CAMTA1: variants seen among roughly 807,000 people sequenced by gnomAD.
The protein encoded by CAMTA1 is calmodulin binding transcription activator 1.
CAMTA1 carries 27 observed loss-of-function variants against 170.9 expected under a neutral mutation model. That is an observed-to-expected ratio of 0.16 (90% CI 0.12 to 0.22). CAMTA1 has a LOEUF of 0.22. Ranked by LOEUF, CAMTA1 falls within the 10% of genes least tolerant of loss-of-function variation. CAMTA1 has a pLI of 1.00. For synonymous variants in CAMTA1, 833 were observed against 891.5 expected, an observed-to-expected ratio of 0.93 and a Z score of 1.17; for missense variants, 1,619 against 2,217.2, an observed-to-expected ratio of 0.73 and a Z score of 5.42.
intron 3 of CAMTA1, among the ~76,000 whole-genome samples, chr1:6,858,855 A>T (rs1365098379): frequency 6.6e-6 from 1 of 152,208 alleles, no homozygotes; most frequent in Non-Finnish European, 1.5e-5. Flanking sequence ...GTCTAAAAAA[A>T]TAATATGGAT....
intron 6 of CAMTA1, among the ~76,000 whole-genome samples, chr1:7,624,201 T>C (rs990191323): frequency 2.0e-5 from 3 of 152,202 alleles, no homozygotes; most frequent in African/African-American, 7.2e-5. Context: ...GGGGTTGCCT[T>C]GCGCCTGTGC....
chr1:7,170,222 G>T (rs1316922398), intron 4 of CAMTA1, among the ~76,000 whole-genome samples: 1 of 150,194 alleles, frequency 6.7e-6, no homozygotes, highest in Non-Finnish European at 1.5e-5. Flanking sequence ...GTAGTAGTTT[G>T]ATTATCCTTC....
At chr1:6,791,966 T>G (rs1641222083) in intron 1 of CAMTA1, among the ~76,000 whole-genome samples, 1 of 151,868 alleles carries the variant, frequency 6.6e-6, no homozygotes. Flanking sequence ...GGAAAGTGTT[T>G]CTTTTCTTTT....
At chr1:7,490,497 CA>C (rs1460555621) in intron 6 of CAMTA1, among the ~76,000 whole-genome samples, 2 of 152,176 alleles carry the variant, frequency 1.3e-5, no homozygotes, top group South Asian at 2.1e-4. Flanking sequence ...ACTAAAAATA[CA>C]AAAATTAGCC....
At chr1:7,079,256 A>G (rs1445658632) in intron 3 of CAMTA1, among the ~76,000 whole-genome samples, 2 of 152,234 alleles carry the variant, frequency 1.3e-5, no homozygotes, top group African/African-American at 2.4e-5. Context: ...TGAGAGGGTC[A>G]GGCTGATCCA....
chr1:7,606,447 G>A (rs2095487465), intron 6 of CAMTA1, among the ~76,000 whole-genome samples: 1 of 152,198 alleles, frequency 6.6e-6, no homozygotes, highest in Admixed American at 6.5e-5. Flanking sequence ...ATGAAAAGTG[G>A]CCTATATCTA....
At chr1:7,475,214 T>G (rs1465335626) in intron 6 of CAMTA1, among the ~76,000 whole-genome samples, 3 of 152,210 alleles carry the variant, frequency 2.0e-5, no homozygotes, top group African/African-American at 7.2e-5. Flanking sequence ...CATTTTTATG[T>G]TTCATCAGGG....
rs1019206643 is a variant in CAMTA1, at chr1:7,044,808, A to C, written c.235-46496A>C. Among the ~76,000 whole-genome samples the C allele has an allele frequency of 1.1e-3, 105 of 97,154 alleles. No individual in the cohort carries two copies. Among genetic ancestry groups the C allele is most frequent in the Admixed American group, 1.2e-3 (11 of 9,204 alleles). 63.7% of individuals were successfully genotyped at this position (97,154 alleles called of 152,430 possible). On this transcript the variant is annotated intron_variant, in intron 3 of 22. Transcript: ENST00000303635. This position sits in a 1 kb window ranked among gnomAD's most constrained non-coding sequence, Gnocchi z 5.0. ...CTTTCCCCCTCACGTCCTCTCCCCC[A>C]CTCCCTCCTCTTCCCGCCTGTGGTT...
chr1:7,241,784 C>T (rs1341080102), intron 4 of CAMTA1, among the ~76,000 whole-genome samples: 3 of 152,120 alleles, frequency 2.0e-5, no homozygotes, highest in Non-Finnish European at 4.4e-5. Context: ...TTATCTCACA[C>T]CATATGCAAA....
intron 3 of CAMTA1, among the ~76,000 whole-genome samples, chr1:7,079,338 C>T (rs890663628): frequency 6.6e-6 from 1 of 152,206 alleles, no homozygotes; most frequent in African/African-American, 2.4e-5. Flanking sequence ...TAATTGCTGA[C>T]AGTTTTCCAA....
intron 6 of CAMTA1, among the ~76,000 whole-genome samples, chr1:7,546,793 G>A (rs141677901): frequency 3.9e-5 from 6 of 151,936 alleles, no homozygotes; most frequent in Non-Finnish European, 5.9e-5. Context: ...TTGGCTGGAC[G>A]AACGTCTTAT....
chr1:7,372,857 C>A (rs986619157), intron 5 of CAMTA1, among the ~76,000 whole-genome samples: 17 of 152,202 alleles, frequency 1.1e-4, no homozygotes, highest in Admixed American at 9.8e-4. Context: ...GCCCGCATAG[C>A]CACCATCCTA....
Position 7,722,421 on chromosome 1 carries a change from CA to C in CAMTA1, c.2915-10023del, listed in dbSNP as rs1352434166. ...AGAGGCTAGGATGGGGTCGACCCAGCAAAAGAAAAGGGAATCTGAAGCCCCA... is the reference window on the plus strand; with the variant it reads ...AGAGGCTAGGATGGGGTCGACCCAGCAAAGAAAAGGGAATCTGAAGCCCCA... On this transcript the variant is annotated intron_variant, in intron 11 of 22. Coordinates refer to ENST00000303635, the MANE Select transcript of CAMTA1 (RefSeq NM_015215.4). 7.2e-5 allele frequency among the ~76,000 whole-genome samples: 11 copies of C among 152,190 alleles called. No homozygotes were observed. The South Asian group carries it at 2.1e-3, about 29-fold the overall frequency.
At chr1:7,310,337 A>G (rs1378269934) in intron 5 of CAMTA1, among the ~76,000 whole-genome samples, 1 of 152,220 alleles carries the variant, frequency 6.6e-6, no homozygotes, top group Non-Finnish European at 1.5e-5. Flanking sequence ...TTTTTTCTGT[A>G]AAGGGCCAAA....
At chr1:7,247,601 T>C (rs1666017636) in intron 4 of CAMTA1, among the ~76,000 whole-genome samples, 1 of 152,148 alleles carries the variant, frequency 6.6e-6, no homozygotes, top group African/African-American at 2.4e-5. Flanking sequence ...CTTCATTCTT[T>C]TTTTGGAGAG....
At chr1:6,789,114 A>G (rs1426230597) in intron 1 of CAMTA1, among the ~76,000 whole-genome samples, 1 of 152,148 alleles carries the variant, frequency 6.6e-6, no homozygotes, top group Admixed American at 6.5e-5. Context: ...GGGTTTCTCC[A>G]TCTCATCATT....
intron 4 of CAMTA1, among the ~76,000 whole-genome samples, chr1:7,217,317 A>G (rs1659925813): frequency 6.6e-6 from 1 of 152,170 alleles, no homozygotes; most frequent in African/African-American, 2.4e-5. Context: ...CTCTCCAACC[A>G]TGTGGAACTG....
chr1:6,811,311 A>C (rs935817155), intron 1 of CAMTA1, among the ~76,000 whole-genome samples: 1 of 152,192 alleles, frequency 6.6e-6, no homozygotes, highest in Non-Finnish European at 1.5e-5. Flanking sequence ...GTTAAGTAGA[A>C]CCCATGGAAT....
intron 5 of CAMTA1, among the ~76,000 whole-genome samples, chr1:7,301,693 A>G (rs1194828738): frequency 6.6e-6 from 1 of 152,206 alleles, no homozygotes; most frequent in African/African-American, 2.4e-5. Context: ...TGGGACAGAC[A>G]TGATGAGTGC....
Sources: allele counts gnomAD v4.1 joint callset (sites outside exome capture counted in the v4.1 genomes callset), GRCh38; gene constraint gnomAD v4.1.1; non-coding constraint Gnocchi (gnomAD v3.1); transcripts MANE v1.5; gene names NCBI Gene and HGNC (gene_info 2026-07-23, HGNC 2026-07-21).